SUN3: variants seen among roughly 807,000 people sequenced by gnomAD.
SUN3 encodes the protein Sad1 and UNC84 domain containing 3.
A neutral mutation model predicts 48.2 loss-of-function variants in SUN3; 36 were observed. The observed-to-expected ratio is 0.75, with a 90% CI of 0.57 to 0.99. SUN3 has a LOEUF of 0.99. Among genes scored for constraint, SUN3 ranks in the 50% least tolerant of loss-of-function variants. The probability of loss-of-function intolerance (pLI) is 0.00; values close to 1 mark genes in which losing one functional copy is unlikely to be tolerated. For missense variants in SUN3, 419 were observed against 433.1 expected, an observed-to-expected ratio of 0.97 and a Z score of 0.29; for synonymous variants, 148 against 147.9, an observed-to-expected ratio of 1.00 and a Z score of 0.00.
upstream of SUN3, among the ~76,000 whole-genome samples, chr7:48,031,796 CAA>C (rs1490778823): frequency 8.0e-5 from 12 of 149,718 alleles, no homozygotes; most frequent in Admixed American, 6.0e-4. Flanking sequence ...AAAAACAACC[CAA>C]GTGTTTATTG....
chr7:48,034,617 C>T, the SUN3 span, among the ~76,000 whole-genome samples: 1 of 152,156 alleles, frequency 6.6e-6, no homozygotes, highest in African/African-American at 2.4e-5. Context: ...ATAGGGCTTT[C>T]TGGGTATCAA....
rs747701250 is a variant in SUN3, at chr7:48,017,286, A to T, written c.264T>A (p.Tyr88Ter). 1 of 1,601,030 alleles carries T rather than the reference A, an allele frequency of 6.2e-7. No individual in the cohort carries two copies. The change falls in exon 3 of 10, where the codon TAT (tyrosine) becomes TAA (stop). Residue 88 changes from tyrosine to a stop codon, truncating the protein, a stop_gained. Transcript: ENST00000297325. LOFTEE classifies it high-confidence loss of function. ...CCTGATATTTATAAAGCCTTGAACC[A>T]TATTCTGCAATTATGGCATATAATT... ...SRQLYAIIAE[Y>*]GSRLYKYQAR... is the part of the protein sequence containing the mutation.
intron 2 of SUN3, among the ~76,000 whole-genome samples, chr7:48,019,952 A>T (rs892355384): frequency 1.2e-4 from 17 of 143,484 alleles, no homozygotes; most frequent in Non-Finnish European, 2.3e-4. Context: ...TATTACCTTG[A>T]TATGAAAACC....
intron 2 of SUN3, among the ~76,000 whole-genome samples, chr7:48,023,365 G>T (rs1790052926): frequency 6.6e-6 from 1 of 152,070 alleles, no homozygotes; most frequent in Admixed American, 6.6e-5. Context: ...AAACTATATT[G>T]TTATAAATGT....
At chr7:48,007,061 G>A in intron 5 of SUN3, 104 bp downstream of exon 5, 1 of 1,163,716 alleles carries the variant, frequency 8.6e-7, no homozygotes. Context: ...ACTGGGAGAA[G>A]AAGCAGATGT....
At chr7:48,016,929 G>A (rs919616665) in intron 3 of SUN3, among the ~76,000 whole-genome samples, 5 of 152,178 alleles carry the variant, frequency 3.3e-5, no homozygotes, top group African/African-American at 1.2e-4. Context: ...GACAGAGAGA[G>A]AAATGGGGCC....
intron 8 of SUN3, among the ~76,000 whole-genome samples, chr7:47,992,998 T>A (rs2708891): frequency 0.44 from 66,693 of 151,690 alleles, 15,458 homozygotes; most frequent in Non-Finnish European, 0.51. Flanking sequence ...CTAAAAAATT[T>A]AAAAAACAAT....
intron 3 of SUN3, among the ~76,000 whole-genome samples, chr7:48,016,826 A>C (rs1369675406): frequency 6.6e-6 from 1 of 152,192 alleles, no homozygotes; most frequent in Admixed American, 6.5e-5. Flanking sequence ...TTTGGCTCAC[A>C]GTTCTGGATG....
chr7:48,009,277 G>A (rs1789616905), intron 3 of SUN3, among the ~76,000 whole-genome samples: 1 of 152,134 alleles, frequency 6.6e-6, no homozygotes, highest in Non-Finnish European at 1.5e-5. Context: ...AAGGAGATGA[G>A]GTAATGCAAA....
At chr7:48,020,803 G>A (rs571189457) in intron 2 of SUN3, among the ~76,000 whole-genome samples, 1 of 151,986 alleles carries the variant, frequency 6.6e-6, no homozygotes, top group East Asian at 1.9e-4. Flanking sequence ...AAAGTAGATA[G>A]CTCATGTTCA....
chr7:48,026,803 G>A (rs920431728), intron 1 of SUN3, among the ~76,000 whole-genome samples: 2 of 152,146 alleles, frequency 1.3e-5, no homozygotes, highest in Non-Finnish European at 2.9e-5. Context: ...TGGGGACACA[G>A]TGAGAAGGCA....
intron 6 of SUN3, 62 bp downstream of exon 6, chr7:48,005,907 G>A: frequency 9.3e-7 from 1 of 1,070,366 alleles, no homozygotes; most frequent in Non-Finnish European, 1.4e-6. Context: ...GTAGAGAATA[G>A]GGACATTCCT....
At chr7:47,988,987 AG>A (rs1168510910) in intron 8 of SUN3, 107 bp from the exon 9 acceptor site, 1 of 667,922 alleles carries the variant, frequency 1.5e-6, no homozygotes, top group Admixed American at 2.6e-5. Flanking sequence ...CCAGGGGCAC[AG>A]TGCTGTGATC....
At chr7:48,002,035 T>G (rs2128774225) in intron 6 of SUN3, among the ~76,000 whole-genome samples, 1 of 152,306 alleles carries the variant, frequency 6.6e-6, no homozygotes, top group South Asian at 2.1e-4. Flanking sequence ...CAACAGTGTA[T>G]AACCATTCCT....
chr7:48,008,886 T>A, intron 4 of SUN3, 149 bp downstream of exon 4: 2 of 666,824 alleles, frequency 3.0e-6, no homozygotes, highest in South Asian at 2.1e-5. Flanking sequence ...AGGAATGATA[T>A]CATTAAATAT....
At chr7:48,029,693 G>A (rs1401264562), upstream of SUN3, among the ~76,000 whole-genome samples, 2 of 152,098 alleles carry the variant, frequency 1.3e-5, no homozygotes, top group Non-Finnish European at 2.9e-5. Flanking sequence ...GTTGTTATAT[G>A]CACATCACAA....
intron 6 of SUN3, among the ~76,000 whole-genome samples, chr7:48,000,384 C>T (rs1408614213): frequency 2.6e-5 from 4 of 152,090 alleles, no homozygotes; most frequent in African/African-American, 9.7e-5. Context: ...GTGATCCACC[C>T]GCCTCGGCCT....
intron 9 of SUN3, among the ~76,000 whole-genome samples, chr7:47,988,195 G>A (rs1394187115): frequency 6.6e-6 from 1 of 152,174 alleles, no homozygotes; most frequent in Non-Finnish European, 1.5e-5. Context: ...TGGCCAAAAA[G>A]TGTCATAAAA....
At chr7:48,021,688 G>A (rs1254949227) in intron 2 of SUN3, among the ~76,000 whole-genome samples, 1 of 151,974 alleles carries the variant, frequency 6.6e-6, no homozygotes, top group Non-Finnish European at 1.5e-5. Flanking sequence ...TTCATTGATT[G>A]TCAGAGAAAT....
Sources: allele counts gnomAD v4.1 joint callset (sites outside exome capture counted in the v4.1 genomes callset), GRCh38; gene constraint gnomAD v4.1.1; transcripts MANE v1.5; gene names NCBI Gene and HGNC (gene_info 2026-07-23, HGNC 2026-07-21).